FUBP1: variants seen among roughly 807,000 people sequenced by gnomAD.
FUBP1 encodes far upstream element binding protein 1.
Under a neutral mutation model 94.9 loss-of-function variants are expected in FUBP1, and 16 were observed. The observed-to-expected ratio is 0.17, with a 90% CI of 0.11 to 0.26. FUBP1 has a LOEUF of 0.26. FUBP1 is among the 10% of genes least tolerant of loss of function. The pLI, the probability that FUBP1 is intolerant of heterozygous loss-of-function variation, is 1.00. For synonymous variants in FUBP1, 279 were observed against 254.9 expected, an observed-to-expected ratio of 1.09 and a Z score of -0.90; for missense variants, 583 against 808.6, an observed-to-expected ratio of 0.72 and a Z score of 3.38.
chr1:77,970,460 T>C (rs1657313263), intron 1 of FUBP1, among the ~76,000 whole-genome samples: 1 of 152,230 alleles, frequency 6.6e-6, no homozygotes, highest in South Asian at 2.1e-4. Flanking sequence ...AAATGATACT[T>C]GCTCTAAGTG....
chr1:77,962,650 G>T, intron 14 of FUBP1, 120 bp downstream of exon 14: 1 of 567,530 alleles, frequency 1.8e-6, no homozygotes, highest in Non-Finnish European at 3.1e-6. Context: ...TACATATCAT[G>T]AAATCTATAA....
At position 77,962,879 on chromosome 1, in the gene FUBP1, A is replaced by G; in HGVS notation, c.1235T>C (p.Leu412Pro). The G allele has an allele frequency of 6.2e-7, 1 of 1,612,880 alleles. No homozygotes were observed. The highest frequency in any genetic ancestry group is 8.5e-7 in the Non-Finnish European group (1 of 1,178,940). The change falls in exon 14 of 20, where the codon CTT becomes CCT. Residue 412 changes from leucine to proline, a missense_variant. Leu to Pro is a moderately conservative substitution (Grantham distance 98). Transcript: ENST00000370768. The part of the protein sequence containing the change: ...ISQQSGARIE[L>P]QRNPPPNADP... ...TGCATTTGGTGGAGGATTTCTCTGA[A>G]GTTCTATTCTTGCACCAGACTGCTG...
chr1:77,977,897 C>A (rs191478488), intron 1 of FUBP1, among the ~76,000 whole-genome samples: 112 of 152,286 alleles, frequency 7.4e-4, no homozygotes, highest in African/African-American at 2.5e-3. Flanking sequence ...CTTCAACTGT[C>A]CCGGTAAAAA....
In FUBP1 at chr1:77,962,762, A is replaced by G; in HGVS notation, c.1344+8T>C. 2.5e-6 allele frequency: 4 copies of G among 1,601,546 alleles called. No individual in the cohort carries two copies. Among genetic ancestry groups the G allele is most frequent in the Non-Finnish European group, 3.4e-6 (4 of 1,169,962 alleles). On this transcript the variant is annotated splice_region_variant and intron_variant, in intron 14 of 19. Coordinates refer to ENST00000370768, the MANE Select transcript of FUBP1 (RefSeq NM_003902.5). ...ACACTAAAAATTAAAAGTTTAAAGTATACTCACACCAATCTTTTCTTCTAT... is the reference window on the plus strand; with the variant it reads ...ACACTAAAAATTAAAAGTTTAAAGTGTACTCACACCAATCTTTTCTTCTAT...
At position 77,965,118 on chromosome 1, in the gene FUBP1, T is replaced by C. The variant is rs1430605104; in HGVS notation, c.587A>G (p.Lys196Arg). The C allele has an allele frequency of 6.2e-7, 1 of 1,612,772 alleles. No individual in the cohort carries two copies. Among genetic ancestry groups the C allele is most frequent in the South Asian group, 1.1e-5 (1 of 91,042 alleles). The change falls in exon 8 of 20, where the codon AAG (lysine) becomes AGG (arginine). Residue 196 changes from lysine (K) to arginine (R), a missense_variant. Physicochemically the swap from Lys to Arg is conservative, Grantham distance 26 (BLOSUM62 2). Coordinates refer to ENST00000370768, the MANE Select transcript of FUBP1 (RefSeq NM_003902.5). ...CCCTTTTCCAATGACTAATCCTGCC[T>C]TGCTAGCTGGAATCATGATTTCTTG... ...AVQEIMIPAS[K>R]AGLVIGKGGE...
rs747586906 is a variant in FUBP1, at chr1:77,965,231, C to T, written c.474G>A (p.Gln158=). ...CMLTGTPESV[Q]SAKRLLDQIV... is the part of the protein sequence containing the mutation. ...TCTGGTCCAGTAACCGTTTTGCTGACCTGTTAACAAATTAATATTTAAATA... is the reference window on the plus strand; with the variant it reads ...TCTGGTCCAGTAACCGTTTTGCTGATCTGTTAACAAATTAATATTTAAATA... Residue 158 remains glutamine (Q), a splice_region_variant and synonymous_variant, in exon 8 of 20, where the codon CAG becomes CAA. Coordinates refer to ENST00000370768, the MANE Select transcript of FUBP1 (RefSeq NM_003902.5). The T allele has an allele frequency of 6.3e-7, 1 of 1,593,652 alleles. No individual in the cohort carries two copies. Among genetic ancestry groups the T allele is most frequent in the Non-Finnish European group, 8.6e-7 (1 of 1,164,048 alleles).
rs545522976 is a variant in FUBP1 at position 77,970,256 on chromosome 1, A to G, written c.121-241T>C. Among the ~76,000 whole-genome samples the G allele has an allele frequency of 4.6e-5, 7 of 152,346 alleles. No individual in the cohort carries two copies. In the East Asian group the frequency reaches 7.7e-4, roughly 17 times the overall value. On this transcript the variant is annotated intron_variant, in intron 1 of 19. Coordinates refer to ENST00000370768, the MANE Select transcript of FUBP1 (RefSeq NM_003902.5). ...TCCCTATAAGAAGCAACAAAGAAGT[A>G]ATCAACTAGGAATCCGGAAGAGAGA...
At chr1:77,962,087 C>T (rs923122829) in intron 14 of FUBP1, among the ~76,000 whole-genome samples, 1 of 152,190 alleles carries the variant, frequency 6.6e-6, no homozygotes, top group Non-Finnish European at 1.5e-5. Flanking sequence ...GTTAAAAACT[C>T]CAGTAAGACA....
chr1:77,979,333 A>C, upstream of FUBP1: 1 of 298,566 alleles, frequency 3.3e-6, no homozygotes, highest in Non-Finnish European at 6.4e-6. Context: ...GGTGGGTGAT[A>C]GTGGCCAGTT....
At chr1:77,960,307 T>C (rs1424383269) in intron 15 of FUBP1, 37 bp downstream of exon 15, 2 of 1,611,996 alleles carry the variant, frequency 1.2e-6, no homozygotes, top group East Asian at 2.2e-5. Context: ...AAAACTAGAA[T>C]CTTTGGGGAA....
At chr1:77,955,416 G>A (rs1222680512) in intron 17 of FUBP1, 87 bp from the exon 18 acceptor site, 1 of 743,626 alleles carries the variant, frequency 1.3e-6, no homozygotes, top group African/African-American at 1.8e-5. Flanking sequence ...GAGCTGGCAG[G>A]GGCCTGCAAT....
Position 77,956,868 on chromosome 1 carries a change from C to T in FUBP1, c.1577-168G>A, listed in dbSNP as rs138653583. On this transcript the variant is annotated intron_variant, in intron 16 of 19. Transcript: ENST00000370768. ...TTAAATTTTCTATTATTTTTGTTGT[C>T]ACCATCAGCTTTTATTAAAGAAAAC... Among the ~76,000 whole-genome samples, 69 of 150,166 alleles carry T rather than the reference C, an allele frequency of 4.6e-4. 1 individual carries two copies. The highest frequency in any genetic ancestry group is 1.7e-3 in the African/African-American group (68 of 40,788).
intron 17 of FUBP1, among the ~76,000 whole-genome samples, chr1:77,956,322 A>C (rs1654450627): frequency 6.6e-6 from 1 of 152,242 alleles, no homozygotes; most frequent in Admixed American, 6.5e-5. Flanking sequence ...CACATGTATG[A>C]TATAGATGGT....
rs369403301 is a variant in FUBP1 at position 77,956,751 on chromosome 1, T to TCACA, written c.1577-55_1577-52dup. The TCACA allele has an allele frequency of 2.9e-3, 3,970 of 1,382,418 alleles. 74 individuals are homozygous for TCACA. In the African/African-American group the frequency reaches 0.048, roughly 17 times the overall value. The allele number at this position is 1,382,418 out of a possible 1,614,324, so 85.6% of individuals were successfully genotyped here. A position where few individuals can be genotyped will look rare whatever the true frequency, so the allele number is the denominator to read the frequency against. ...TGCATGTGAAGTCTGTAATTCTCTCTCACACACACACACACCACCCCCCCG... is the reference window on the plus strand; with the variant it reads ...TGCATGTGAAGTCTGTAATTCTCTCTCACACACACACACACACACCACCCCCCCG... On this transcript the variant is annotated intron_variant, in intron 16 of 19. Coordinates refer to ENST00000370768, the MANE Select transcript of FUBP1 (RefSeq NM_003902.5).
chr1:77,969,599 T>C (rs1467303327), intron 2 of FUBP1, among the ~76,000 whole-genome samples: 1 of 152,116 alleles, frequency 6.6e-6, no homozygotes, highest in Non-Finnish European at 1.5e-5. Context: ...CAGTGAAGTG[T>C]CTTCTAAGCA....
chr1:77,974,944 C>T (rs1658322549), intron 1 of FUBP1, among the ~76,000 whole-genome samples: 3 of 152,170 alleles, frequency 2.0e-5, no homozygotes, highest in Admixed American at 1.3e-4. Flanking sequence ...CACAGATGCT[C>T]AAGTTCCTTA....
intron 1 of FUBP1, 42 bp from the exon 2 acceptor site, chr1:77,970,057 A>G (rs1484707880): frequency 2.1e-6 from 2 of 941,052 alleles, no homozygotes; most frequent in Admixed American, 4.8e-5. Flanking sequence ...ACTATTATAT[A>G]CTATTCATTA....
intron 14 of FUBP1, 21 bp from the exon 15 acceptor site, chr1:77,960,516 T>C (rs1350854653): frequency 4.4e-6 from 7 of 1,584,474 alleles, no homozygotes; most frequent in Non-Finnish European, 2.6e-6. Context: ...AAGGATGACA[T>C]AGAAAAATCA....
At chr1:77,961,961 T>C (rs1179661559) in intron 14 of FUBP1, among the ~76,000 whole-genome samples, 7 of 152,186 alleles carry the variant, frequency 4.6e-5, no homozygotes, top group Non-Finnish European at 8.8e-5. Context: ...CTTCCCAAGT[T>C]GACAGAAACA....
Sources: allele counts gnomAD v4.1 joint callset (sites outside exome capture counted in the v4.1 genomes callset), GRCh38; gene constraint gnomAD v4.1.1; transcripts MANE v1.5; gene names NCBI Gene and HGNC (gene_info 2026-07-23, HGNC 2026-07-21).